The following C8B variants were observed in gnomAD, a reference collection of about 807,000 sequenced individuals.
C8B encodes complement C8 beta chain, also known as complement component C8 beta chain.
Under a neutral mutation model 64.6 loss-of-function variants are expected in C8B, and 67 were observed. The ratio of observed to expected loss-of-function variants is 1.04; its 90% confidence interval spans 0.85 to 1.27. The LOEUF (loss-of-function observed/expected upper bound fraction) is 1.27, where lower values mean the gene tolerates loss of function less well. Ranked by LOEUF, C8B falls within the 50% of genes most tolerant of loss-of-function variation. The probability of loss-of-function intolerance (pLI) is 0.00; values close to 1 mark genes in which losing one functional copy is unlikely to be tolerated. For synonymous variants in C8B, 284 were observed against 257.7 expected, an observed-to-expected ratio of 1.10 and a Z score of -0.98; for missense variants, 790 against 725.2, an observed-to-expected ratio of 1.09 and a Z score of -1.03.
chr1:56,932,162 A>G (rs1644711492), intron 10 of C8B, among the ~76,000 whole-genome samples: 1 of 152,200 alleles, frequency 6.6e-6, no homozygotes, highest in Non-Finnish European at 1.5e-5. Context: ...CAGTGTCAGA[A>G]GCTACATTAG....
intron 9 of C8B, among the ~76,000 whole-genome samples, chr1:56,938,045 T>C (rs1367096203): frequency 6.6e-6 from 1 of 152,254 alleles, no homozygotes; most frequent in Non-Finnish European, 1.5e-5. Context: ...TTCAGTACTT[T>C]GGCTTAGTTT....
intron 6 of C8B, among the ~76,000 whole-genome samples, chr1:56,946,650 T>C (rs1644947160): frequency 6.6e-6 from 1 of 152,194 alleles, no homozygotes; most frequent in South Asian, 2.1e-4. Context: ...GACCTTGCAG[T>C]CTCACAAAGC....
At chr1:56,945,375 T>C (rs1644926193) in intron 7 of C8B, among the ~76,000 whole-genome samples, 1 of 152,230 alleles carries the variant, frequency 6.6e-6, no homozygotes, top group Non-Finnish European at 1.5e-5. Context: ...GGTTCGTTGG[T>C]GGAACCGTTT....
At chr1:56,937,672 T>G (rs1010564301) in intron 9 of C8B, among the ~76,000 whole-genome samples, 6 of 151,772 alleles carry the variant, frequency 4.0e-5, no homozygotes, top group Non-Finnish European at 7.3e-5. Flanking sequence ...AAAAAACAAA[T>G]AATTTTTTTT....
rs564101614 is a variant in C8B at position 56,965,243 on chromosome 1, C to A, written c.92+614G>T. On this transcript the variant is annotated intron_variant, in intron 1 of 11. Transcript: ENST00000371237. ...CATCCCCACATTGCTACGTCACTGG[C>A]TCTTCTATCACTGGAGCCCAAGTTT... 5.1e-4 allele frequency among the ~76,000 whole-genome samples: 77 copies of A among 152,316 alleles called. 1 individual carries two copies. Among genetic ancestry groups the A allele is most frequent in the Non-Finnish European group, 3.7e-4 (25 of 68,028 alleles).
At chr1:56,963,906 A>T in intron 1 of C8B, 1 of 984,976 alleles carries the variant, frequency 1.0e-6, no homozygotes, top group Non-Finnish European at 1.2e-6. Context: ...AGAACAAAAA[A>T]CTCTTTTGGC....
At chr1:56,944,619 A>T (rs1202447322) in intron 7 of C8B, among the ~76,000 whole-genome samples, 2 of 152,222 alleles carry the variant, frequency 1.3e-5, no homozygotes, top group Non-Finnish European at 2.9e-5. Flanking sequence ...AGGTCATTTT[A>T]TTGGAGTACA....
chr1:56,929,441 C>A lies in C8B; in HGVS notation c.1739G>T (p.Cys580Phe), dbSNP rs139167053. 1.1e-4 allele frequency: 175 copies of A among 1,612,438 alleles called. No individual in the cohort carries two copies. The highest frequency in any genetic ancestry group is 1.2e-4 in the Non-Finnish European group (146 of 1,179,914). ...AAGTGTTTCTGAAGCAGGGCCTGAA[C>A]AGGGGCTACCCCCATTTTGAGGAGG... is the stretch of plus-strand genomic sequence containing the variant. The part of the protein sequence containing the change: ...NPPPQNGGSP[C>F]SGPASETLDC... The change falls in exon 12 of 12, where the codon TGT becomes TTT. Residue 580 changes from cysteine to phenylalanine, a missense_variant. Transcript: ENST00000371237.
At chr1:56,963,069 C>T (rs948878148) in intron 1 of C8B, among the ~76,000 whole-genome samples, 10 of 152,180 alleles carry the variant, frequency 6.6e-5, no homozygotes, top group East Asian at 1.9e-4. Flanking sequence ...CTACAGTAAA[C>T]GCCCTTGCTC....
chr1:56,934,844 G>A (rs1194468679), intron 9 of C8B, among the ~76,000 whole-genome samples: 2 of 152,154 alleles, frequency 1.3e-5, no homozygotes, highest in Non-Finnish European at 2.9e-5. Context: ...CACCAATGAA[G>A]AGCTCCTCCA....
chr1:56,931,485 C>A, intron 11 of C8B: 1 of 346,254 alleles, frequency 2.9e-6, no homozygotes, highest in South Asian at 2.3e-5. Flanking sequence ...GGCATACGTG[C>A]TGGAATTTGA....
chr1:56,940,684 TGTTA>T (rs1161906526), intron 9 of C8B, among the ~76,000 whole-genome samples, 161 bp downstream of exon 9: 1 of 152,132 alleles, frequency 6.6e-6, no homozygotes, highest in Non-Finnish European at 1.5e-5. Context: ...CTGAGCAGTG[TGTTA>T]TAATTTATTT....
intron 8 of C8B, among the ~76,000 whole-genome samples, chr1:56,943,117 G>A (rs1373587294): frequency 6.6e-6 from 1 of 151,830 alleles, no homozygotes; most frequent in Non-Finnish European, 1.5e-5. Flanking sequence ...AAAAAAAGCT[G>A]GGGGAGGGGA....
At chr1:56,947,518 C>T (rs1644959025) in intron 6 of C8B, among the ~76,000 whole-genome samples, 1 of 152,198 alleles carries the variant, frequency 6.6e-6, no homozygotes, top group South Asian at 2.1e-4. Context: ...CCATTGCCTC[C>T]AATCTGATAA....
At chr1:56,931,447 G>T (rs1010379119) in intron 11 of C8B, 1 of 337,998 alleles carries the variant, frequency 3.0e-6, no homozygotes, top group South Asian at 2.4e-5. Flanking sequence ...ATTCTTTGGG[G>T]ATTAGAGGAA....
At chr1:56,945,785 G>A in intron 7 of C8B, 36 bp downstream of exon 7, 1 of 1,613,672 alleles carries the variant, frequency 6.2e-7, no homozygotes, top group Non-Finnish European at 8.5e-7. Context: ...TCTTCCCCCA[G>A]CTTTTAGGAA....
chr1:56,933,529 T>C lies in C8B; in HGVS notation c.1399-41A>G, dbSNP rs1356330256. ...GGCATTTATTTCAAGAGAAAAACAT[T>C]TATCAAGTAGAAGTGTAAAACAAAA... On this transcript the variant is annotated intron_variant, in intron 9 of 11. Transcript: ENST00000371237. The C allele has an allele frequency of 1.9e-6, 3 of 1,576,548 alleles. No individual in the cohort carries two copies. The African/African-American group carries it at 4.0e-5, about 21-fold the overall frequency.
chr1:56,965,964 G>A lies in C8B; in HGVS notation c.-16C>T, dbSNP rs781344909. 1.2e-6 allele frequency: 2 copies of A among 1,613,536 alleles called. No homozygotes were observed. Among genetic ancestry groups the A allele is most frequent in the Non-Finnish European group, 1.7e-6 (2 of 1,179,970 alleles). ...AATTCTTCATTTTCCCAATGTGACA[G>A]GAGATGCCACAGAGGCTGCTAGACC... is the stretch of plus-strand genomic sequence containing the variant. On this transcript the variant is annotated 5_prime_UTR_variant, in exon 1 of 12. Coordinates refer to ENST00000371237, the MANE Select transcript of C8B (RefSeq NM_000066.4).
At position 56,956,799 on chromosome 1, in the gene C8B, G is replaced by C. The variant is rs150022116; in HGVS notation, c.361C>G (p.Arg121Gly). 5 of 1,613,792 alleles carry C rather than the reference G, an allele frequency of 3.1e-6. No homozygotes were observed. Among genetic ancestry groups the C allele is most frequent in the Non-Finnish European group, 4.2e-6 (5 of 1,179,964 alleles). ...VTNRPCGSQVRCEGFVCAQTG... is the reference protein window; with the variant it reads ...VTNRPCGSQVGCEGFVCAQTG... ...TGTGCACACACAAAGCCTTCACATC[G>C]CACTTGACTTCCGCATGGTCTGTTG... Residue 121 changes from arginine to glycine, a missense_variant, in exon 3 of 12, where the codon CGA (arginine) becomes GGA (glycine). Coordinates refer to ENST00000371237, the MANE Select transcript of C8B (RefSeq NM_000066.4).
Sources: allele counts gnomAD v4.1 joint callset (sites outside exome capture counted in the v4.1 genomes callset), GRCh38; gene constraint gnomAD v4.1.1; transcripts MANE v1.5; gene names NCBI Gene and HGNC (gene_info 2026-07-23, HGNC 2026-07-21).